COL25A1: variants seen among roughly 807,000 people sequenced by gnomAD.
COL25A1 encodes the protein collagen type XXV alpha 1 chain, also known as collagen alpha-1(XXV) chain.
Under a neutral mutation model 128.4 loss-of-function variants are expected in COL25A1, and 103 were observed. The observed-to-expected ratio is 0.80, with a 90% CI of 0.68 to 0.94. COL25A1 has a LOEUF of 0.94. COL25A1 is among the 40% of genes least tolerant of loss of function. The probability of loss-of-function intolerance (pLI) is 0.00; values close to 1 mark genes in which losing one functional copy is unlikely to be tolerated. For synonymous variants in COL25A1, 279 were observed against 277.2 expected (o/e 1.01, Z -0.06); for missense variants, 745 against 840.0 (o/e 0.89, Z 1.40).
intron 3 of COL25A1, among the ~76,000 whole-genome samples, chr4:109,144,717 T>C (rs893443576): frequency 6.6e-6 from 1 of 152,218 alleles, no homozygotes; most frequent in African/African-American, 2.4e-5. Context: ...CACTTCACAG[T>C]AATGTCTAAG....
intron 5 of COL25A1, among the ~76,000 whole-genome samples, chr4:109,026,446 A>T (rs1308302721): frequency 6.6e-6 from 1 of 152,200 alleles, no homozygotes; most frequent in African/African-American, 2.4e-5. Flanking sequence ...TTAAGAAAAG[A>T]ATAAGCTCCG....
intron 5 of COL25A1, among the ~76,000 whole-genome samples, chr4:109,043,004 C>T (rs570075158): frequency 2.0e-5 from 3 of 152,188 alleles, no homozygotes; most frequent in Admixed American, 2.0e-4. Flanking sequence ...TGAAAAACAT[C>T]TTATAGAAAT....
At chr4:109,111,692 C>T (rs1560712004) in intron 3 of COL25A1, among the ~76,000 whole-genome samples, 1 of 152,194 alleles carries the variant, frequency 6.6e-6, no homozygotes, top group Non-Finnish European at 1.5e-5. Context: ...TCCCCTTCCC[C>T]TTTCCAGAGT....
chr4:109,115,843 T>C (rs1767497628), intron 3 of COL25A1, among the ~76,000 whole-genome samples: 1 of 151,982 alleles, frequency 6.6e-6, no homozygotes, highest in Non-Finnish European at 1.5e-5. Context: ...GGAGAGAAGC[T>C]GCTGCCAAGA....
Position 108,963,815 on chromosome 4 carries a change from A to G in COL25A1, c.492+10552T>C, listed in dbSNP as rs1382979219. ...ATAATATTAAATATATACATATACA[A>G]ATATATTCTCTTTCGATTAAAATAT... On this transcript the variant is annotated intron_variant, in intron 8 of 37. Transcript: ENST00000399132. Among the ~76,000 whole-genome samples, 3 of 151,732 alleles carry G rather than the reference A, an allele frequency of 2.0e-5. No homozygotes were observed. In the East Asian group the frequency reaches 5.8e-4, roughly 29 times the overall value.
intron 24 of COL25A1, among the ~76,000 whole-genome samples, chr4:108,855,633 T>C (rs1320857743): frequency 6.6e-6 from 1 of 152,136 alleles, no homozygotes; most frequent in African/African-American, 2.4e-5. Flanking sequence ...AATTTAAAGA[T>C]AACATGTTTA....
chr4:108,860,980 G>A lies in COL25A1; in HGVS notation c.1198-9C>T, dbSNP rs370148464. On this transcript the variant is annotated splice_polypyrimidine_tract_variant and intron_variant, in intron 22 of 37. Transcript: ENST00000399132. Reference sequence around the variant, plus strand: ...TTTTCTCCACGATCCCCCTTTTCCCGTTGGAAAGAGAAAAAACTTAATCAG... The same window carrying A: ...TTTTCTCCACGATCCCCCTTTTCCCATTGGAAAGAGAAAAAACTTAATCAG... 4.8e-5 allele frequency: 78 copies of A among 1,612,594 alleles called. No individual in the cohort carries two copies. In the African/African-American group the frequency reaches 5.5e-4, roughly 11 times the overall value.
chr4:109,207,793 A>G (rs1397644682), intron 3 of COL25A1, among the ~76,000 whole-genome samples: 1 of 152,212 alleles, frequency 6.6e-6, no homozygotes, highest in Non-Finnish European at 1.5e-5. Context: ...GAAAGTAAAC[A>G]TTCAATTTAT....
At chr4:108,914,838 T>C (rs1744680356) in intron 13 of COL25A1, among the ~76,000 whole-genome samples, 1 of 152,016 alleles carries the variant, frequency 6.6e-6, no homozygotes, top group Non-Finnish European at 1.5e-5. Context: ...TCTTAAGGCA[T>C]GAGAATACTA....
intron 6 of COL25A1, among the ~76,000 whole-genome samples, chr4:109,001,408 T>C (rs1755380600): frequency 6.6e-6 from 1 of 152,292 alleles, no homozygotes. Context: ...GCATCTGAGA[T>C]CCTGTCAGGT....
chr4:109,006,223 G>C (rs989274230), intron 6 of COL25A1, among the ~76,000 whole-genome samples: 3 of 150,834 alleles, frequency 2.0e-5, no homozygotes, highest in Non-Finnish European at 3.0e-5. Context: ...CTAATTTTGT[G>C]GGGGGGTGGC....
chr4:109,088,305 T>C (rs932612901), intron 3 of COL25A1, among the ~76,000 whole-genome samples: 2 of 152,188 alleles, frequency 1.3e-5, no homozygotes, highest in African/African-American at 4.8e-5. Context: ...GAGGAGCAGG[T>C]ATGGGGCATG....
chr4:109,292,731 A>T (rs1244275119), intron 3 of COL25A1, among the ~76,000 whole-genome samples: 1 of 152,076 alleles, frequency 6.6e-6, no homozygotes, highest in East Asian at 1.9e-4. Context: ...ATCTGCCCAC[A>T]AAAGTCACTG....
intron 36 of COL25A1, 109 bp downstream of exon 36, chr4:108,819,143 G>T (rs1731527965): frequency 2.6e-6 from 2 of 756,648 alleles, no homozygotes; most frequent in Non-Finnish European, 2.1e-6. Context: ...CATGTAGTGT[G>T]TTTATCATGT....
intron 3 of COL25A1, among the ~76,000 whole-genome samples, chr4:109,239,388 G>GTATATATA (rs1303125158): frequency 8.9e-5 from 8 of 90,172 alleles, no homozygotes; most frequent in African/African-American, 4.0e-4. Context: ...GTGTGTGTGT[G>GTATATATA]TGTGTGTATA....
rs545017200 is a variant in COL25A1, at chr4:108,933,795, A to G, written c.708+4013T>C. Among the ~76,000 whole-genome samples the G allele has an allele frequency of 4.6e-5, 7 of 151,904 alleles. 1 individual carries two copies. The highest frequency in any genetic ancestry group is 1.7e-4 in the African/African-American group (7 of 41,424). On this transcript the variant is annotated intron_variant, in intron 11 of 37. Transcript: ENST00000399132. ...GGATCACAGACTATAGTCATACACC[A>G]CTAAGTAGTTCTAAAACCGGAACTA...
intron 5 of COL25A1, among the ~76,000 whole-genome samples, chr4:109,033,028 G>A (rs577249663): frequency 1.6e-4 from 25 of 152,298 alleles, no homozygotes; most frequent in South Asian, 2.1e-4. Flanking sequence ...TATCCCACCA[G>A]GTCCTCCATA....
At chr4:109,034,360 T>A (rs1429323829) in intron 5 of COL25A1, among the ~76,000 whole-genome samples, 1 of 152,198 alleles carries the variant, frequency 6.6e-6, no homozygotes, top group Non-Finnish European at 1.5e-5. Flanking sequence ...TTAACAGATA[T>A]GGCATGATGA....
At chr4:108,826,804 G>T (rs1284106215) in intron 33 of COL25A1, among the ~76,000 whole-genome samples, 1 of 152,108 alleles carries the variant, frequency 6.6e-6, no homozygotes, top group Non-Finnish European at 1.5e-5. Flanking sequence ...CCAAGGAAGT[G>T]CCAGTTATGA....
Sources: gnomAD v4.1 joint callset for allele counts (sites outside exome capture counted in the v4.1 genomes callset) on GRCh38, gnomAD v4.1.1 for gene constraint, MANE v1.5 for transcripts, NCBI Gene and HGNC (gene_info 2026-07-23, HGNC 2026-07-21) for gene names.